The following TMEM132C variants were observed in gnomAD, a reference collection of about 807,000 sequenced individuals.
TMEM132C encodes the protein protein phosphatase 1, regulatory subunit 152.
In TMEM132C, 29 loss-of-function variants were observed where a neutral mutation model predicts 61.4. The observed-to-expected ratio is 0.47, with a 90% confidence interval of 0.35 to 0.64. The LOEUF is 0.64. Ranked by LOEUF, TMEM132C falls within the 30% of genes least tolerant of loss-of-function variation. The pLI is 0.00. For missense variants in TMEM132C, 1,408 were observed against 1,476.9 expected (o/e 0.95, Z 0.76); for synonymous variants, 656 against 633.1 (o/e 1.04, Z -0.54).
chr12:128,272,120 A>G (rs1381583915), intron 1 of TMEM132C, among the ~76,000 whole-genome samples: 1 of 152,234 alleles, frequency 6.6e-6, no homozygotes, highest in Admixed American at 6.5e-5. Flanking sequence ...TCACGTAAAC[A>G]TCACTAGGAT....
chr12:128,553,303 C>T (rs769909739), intron 3 of TMEM132C, among the ~76,000 whole-genome samples: 64 of 152,062 alleles, frequency 4.2e-4, no homozygotes, highest in Non-Finnish European at 8.2e-4. Flanking sequence ...TTTTCTTCTC[C>T]TTACCTTTTT....
intron 3 of TMEM132C, among the ~76,000 whole-genome samples, chr12:128,558,652 C>A (rs1874409851): frequency 6.6e-6 from 1 of 152,256 alleles, no homozygotes; most frequent in Non-Finnish European, 1.5e-5. Context: ...GCCCTGCTGA[C>A]TTTGATCCAC....
At chr12:128,552,412 G>A (rs184299505) in intron 3 of TMEM132C, among the ~76,000 whole-genome samples, 5 of 152,110 alleles carry the variant, frequency 3.3e-5, no homozygotes, top group Admixed American at 3.3e-4. Flanking sequence ...TCTTTCTAAC[G>A]GTCTCATGAA....
chr12:128,493,367 T>G (rs1871819109), intron 2 of TMEM132C, among the ~76,000 whole-genome samples: 1 of 152,230 alleles, frequency 6.6e-6, no homozygotes, highest in South Asian at 2.1e-4. Flanking sequence ...TTTAAAGTAC[T>G]TTTTTCCAAT....
intron 4 of TMEM132C, among the ~76,000 whole-genome samples, chr12:128,636,052 A>C (rs1954100588): frequency 6.6e-6 from 1 of 152,072 alleles, no homozygotes; most frequent in Non-Finnish European, 1.5e-5. Context: ...AATTCTTCTC[A>C]TCCACATATT....
At chr12:128,286,154 AG>A (rs1871064802) in intron 1 of TMEM132C, among the ~76,000 whole-genome samples, 1 of 150,518 alleles carries the variant, frequency 6.6e-6, no homozygotes, top group South Asian at 2.1e-4. Context: ...GCTTTCATGG[AG>A]GCTTCATTCT....
intron 1 of TMEM132C, among the ~76,000 whole-genome samples, chr12:128,298,260 C>T (rs572322484): frequency 6.6e-6 from 1 of 152,308 alleles, no homozygotes. Flanking sequence ...GCTCCCCAGG[C>T]TCTCCAGCCT....
intron 3 of TMEM132C, among the ~76,000 whole-genome samples, chr12:128,564,283 G>C (rs1334243922): frequency 2.0e-5 from 3 of 152,128 alleles, no homozygotes; most frequent in Non-Finnish European, 4.4e-5. Context: ...TGAATTTTAG[G>C]GGGGCACAGA....
intron 6 of TMEM132C, 97 bp downstream of exon 6, chr12:128,694,131 T>G (rs1360015643): frequency 7.5e-7 from 1 of 1,338,732 alleles, no homozygotes; most frequent in Admixed American, 2.2e-5. Context: ...ATGCTGGTAT[T>G]GTCTCAGCAG....
At chr12:128,579,709 G>A (rs2135558669) in intron 3 of TMEM132C, among the ~76,000 whole-genome samples, 1 of 152,300 alleles carries the variant, frequency 6.6e-6, no homozygotes, top group East Asian at 1.9e-4. Context: ...TTTGCTGAGT[G>A]CCTACCTCTG....
At chr12:128,445,989 A>G (rs1442268487) in intron 2 of TMEM132C, among the ~76,000 whole-genome samples, 7 of 152,200 alleles carry the variant, frequency 4.6e-5, no homozygotes, top group Non-Finnish European at 7.4e-5. Context: ...TGACAACTTC[A>G]TCATGCGGCA....
At chr12:128,343,192 G>C (rs1353919288) in intron 1 of TMEM132C, among the ~76,000 whole-genome samples, 2 of 152,118 alleles carry the variant, frequency 1.3e-5, no homozygotes, top group South Asian at 2.1e-4. Flanking sequence ...TTGGGAGGCC[G>C]AGACGGGTGG....
chr12:128,474,823 T>G, intron 2 of TMEM132C, among the ~76,000 whole-genome samples: 1 of 152,102 alleles, frequency 6.6e-6, no homozygotes, highest in East Asian at 1.9e-4. Flanking sequence ...TGGTACCACA[T>G]AGTATGTCTC....
intron 2 of TMEM132C, among the ~76,000 whole-genome samples, chr12:128,431,594 A>C (rs977092940): frequency 8.1e-6 from 1 of 122,910 alleles, no homozygotes; most frequent in Non-Finnish European, 1.6e-5. Flanking sequence ...TCACTCTGTC[A>C]CCCAAGCTGG....
chr12:128,298,672 C>CCT (rs1175054613), intron 1 of TMEM132C, among the ~76,000 whole-genome samples: 1 of 152,218 alleles, frequency 6.6e-6, no homozygotes, highest in Admixed American at 6.5e-5. Flanking sequence ...ACCTCTGTAT[C>CCT]CTCACAGGAA....
At chr12:128,659,741 T>C (rs1271788256) in intron 4 of TMEM132C, among the ~76,000 whole-genome samples, 1 of 152,160 alleles carries the variant, frequency 6.6e-6, no homozygotes, top group Non-Finnish European at 1.5e-5. Flanking sequence ...ATTGGATAGA[T>C]AGATTTAAGA....
At chr12:128,412,552 G>A (rs561068676) in intron 1 of TMEM132C, among the ~76,000 whole-genome samples, 30 of 152,208 alleles carry the variant, frequency 2.0e-4, no homozygotes, top group South Asian at 1.2e-3. Context: ...TATTGTTCTC[G>A]GGGTAGTGAG....
intron 1 of TMEM132C, among the ~76,000 whole-genome samples, chr12:128,275,343 A>G (rs1198313144): frequency 1.3e-5 from 2 of 152,128 alleles, no homozygotes; most frequent in African/African-American, 4.8e-5. Context: ...TTAGATTCTC[A>G]TAGAAGCTAG....
chr12:128,687,527 C>T (rs1196732315), intron 5 of TMEM132C, among the ~76,000 whole-genome samples: 4 of 152,116 alleles, frequency 2.6e-5, no homozygotes, highest in African/African-American at 9.7e-5. Flanking sequence ...ATCAGGCAGA[C>T]AAGTAGGGGA....
Sources: gnomAD v4.1 joint callset for allele counts (sites outside exome capture counted in the v4.1 genomes callset) on GRCh38, gnomAD v4.1.1 for gene constraint, MANE v1.5 for transcripts, NCBI Gene and HGNC (gene_info 2026-07-23, HGNC 2026-07-21) for gene names.